Variants in TXNDC16 observed in about 807,000 individuals in gnomAD.
The protein encoded by TXNDC16 is thioredoxin domain containing 16, also known as thioredoxin domain-containing protein 16.
TXNDC16 carries 74 observed loss-of-function variants against 85.6 expected under a neutral mutation model. That is an observed-to-expected ratio of 0.86 (90% CI 0.72 to 1.05). The LOEUF (loss-of-function observed/expected upper bound fraction) is 1.05, where lower values mean the gene tolerates loss of function less well. Among genes scored for constraint, TXNDC16 ranks in the 50% least tolerant of loss-of-function variants. The pLI, the probability that TXNDC16 is intolerant of heterozygous loss-of-function variation, is 0.00. For missense variants in TXNDC16, 959 were observed against 947.0 expected (o/e 1.01, Z -0.17); for synonymous variants, 335 against 326.5 (o/e 1.03, Z -0.28).
chr14:52,496,868 C>G (rs2036545426), intron 9 of TXNDC16, among the ~76,000 whole-genome samples: 1 of 152,102 alleles, frequency 6.6e-6, no homozygotes, highest in East Asian at 1.9e-4. Context: ...AACTCAGCCT[C>G]CCAAAGTGCC....
intron 1 of TXNDC16, among the ~76,000 whole-genome samples, chr14:52,547,192 C>T (rs1299896203): frequency 6.6e-6 from 1 of 152,174 alleles, no homozygotes; most frequent in Non-Finnish European, 1.5e-5. Flanking sequence ...ACTGACAAAA[C>T]TGCTCAGCCA....
At chr14:52,552,141 A>G (rs1319811618) in intron 1 of TXNDC16, among the ~76,000 whole-genome samples, 175 bp downstream of exon 1, 1 of 152,186 alleles carries the variant, frequency 6.6e-6, no homozygotes, top group East Asian at 1.9e-4. Context: ...CGAAAAGAGA[A>G]AGCAAAATGC....
intron 20 of TXNDC16, among the ~76,000 whole-genome samples, chr14:52,437,612 C>T (rs1452984549): frequency 6.6e-6 from 1 of 151,870 alleles, no homozygotes; most frequent in Non-Finnish European, 1.5e-5. Flanking sequence ...AAACAATCAA[C>T]AATGTAAAAA....
At chr14:52,453,929 G>A (rs573995074) in intron 18 of TXNDC16, among the ~76,000 whole-genome samples, 1 of 152,184 alleles carries the variant, frequency 6.6e-6, no homozygotes, top group South Asian at 2.1e-4. Flanking sequence ...TGGTTAATGG[G>A]TACAAAAACT....
intron 9 of TXNDC16, among the ~76,000 whole-genome samples, chr14:52,503,006 G>A (rs1034897322): frequency 6.6e-6 from 1 of 152,204 alleles, no homozygotes; most frequent in Non-Finnish European, 1.5e-5. Context: ...AGATCAAACT[G>A]CAAGGTGGCA....
intron 9 of TXNDC16, among the ~76,000 whole-genome samples, chr14:52,501,829 C>A (rs2036665538): frequency 6.6e-6 from 1 of 151,948 alleles, no homozygotes; most frequent in Non-Finnish European, 1.5e-5. Flanking sequence ...TATTTAAGAA[C>A]AAAAAACAAC....
chr14:52,525,449 T>C (rs568776953), intron 6 of TXNDC16, among the ~76,000 whole-genome samples: 1 of 151,322 alleles, frequency 6.6e-6, no homozygotes, highest in South Asian at 2.1e-4. Context: ...CCCAACACTT[T>C]AGGAGGCCGA....
At chr14:52,507,040 CAT>C (rs1324237065) in intron 9 of TXNDC16, among the ~76,000 whole-genome samples, 2 of 152,006 alleles carry the variant, frequency 1.3e-5, no homozygotes, top group African/African-American at 4.8e-5. Context: ...TCTTATTCAA[CAT>C]AGTGTTGGAA....
chr14:52,525,401 A>G (rs1225537289), intron 6 of TXNDC16, among the ~76,000 whole-genome samples: 1 of 151,900 alleles, frequency 6.6e-6, no homozygotes, highest in Non-Finnish European at 1.5e-5. Context: ...AATCAATAAA[A>G]ATTAGTTGGG....
At position 52,530,420 on chromosome 14, in the gene TXNDC16, ATT is replaced by A. The variant is rs1491165601; in HGVS notation, c.392+6297_392+6298del. ...ATATAATATATAATTATTATATAATATTATATATAATAATATATAATATATTA... is the reference window on the plus strand; with the variant it reads ...ATATAATATATAATTATTATATAATAATATATAATAATATATAATATATTA... On this transcript the variant is annotated intron_variant, in intron 6 of 20. Coordinates refer to ENST00000281741, the MANE Select transcript of TXNDC16 (RefSeq NM_020784.3). Among the ~76,000 whole-genome samples, 12 of 15,002 alleles carry A rather than the reference ATT, an allele frequency of 8.0e-4. 5 individuals carry two copies. Among genetic ancestry groups the A allele is most frequent in the Admixed American group, 3.1e-3 (2 of 652 alleles). The allele number at this position is 15,002 out of a possible 152,430, so 9.8% of individuals were successfully genotyped here. A position where few individuals can be genotyped will look rare whatever the true frequency, so the allele number is the denominator to read the frequency against.
intron 20 of TXNDC16, among the ~76,000 whole-genome samples, chr14:52,433,944 C>T (rs911646532): frequency 1.3e-5 from 2 of 151,978 alleles, no homozygotes; most frequent in Admixed American, 6.6e-5. Flanking sequence ...TTTGGGAAGC[C>T]AAGATGGGAG....
intron 9 of TXNDC16, among the ~76,000 whole-genome samples, chr14:52,499,089 T>C (rs909119497): frequency 1.3e-5 from 2 of 152,090 alleles, no homozygotes; most frequent in East Asian, 1.9e-4. Flanking sequence ...GTCTCTTCAA[T>C]AGATGGTGCT....
Position 52,503,867 on chromosome 14 carries a change from G to C in TXNDC16, c.756+7373C>G, listed in dbSNP as rs148474312. On this transcript the variant is annotated intron_variant, in intron 9 of 20. Coordinates refer to ENST00000281741, the MANE Select transcript of TXNDC16 (RefSeq NM_020784.3). ...ATGGCTAACTAGAATAACCAATGCA[G>C]AGAAGTCCTTAAAGGACTTGATGGA... Among the ~76,000 whole-genome samples the C allele has an allele frequency of 3.0e-4, 46 of 152,310 alleles. No individual in the cohort carries two copies. In the East Asian group the frequency reaches 8.3e-3, roughly 27 times the overall value.
At chr14:52,463,241 A>T (rs2035693988) in intron 16 of TXNDC16, among the ~76,000 whole-genome samples, 2 of 152,188 alleles carry the variant, frequency 1.3e-5, no homozygotes, top group African/African-American at 4.8e-5. Flanking sequence ...AGCTCAGAAC[A>T]CAAAGCCGTG....
intron 9 of TXNDC16, 101 bp downstream of exon 9, chr14:52,511,139 T>C: frequency 1.8e-6 from 2 of 1,091,842 alleles, no homozygotes; most frequent in Non-Finnish European, 2.5e-6. Context: ...CATGCATCTA[T>C]AAATCAAAAC....
Position 52,430,878 on chromosome 14 carries a change from C to T in TXNDC16, c.*1426G>A, listed in dbSNP as rs1283264864. 2.6e-5 allele frequency: 4 copies of T among 152,058 alleles called. No homozygotes were observed. The highest frequency in any genetic ancestry group is 4.4e-5 in the Non-Finnish European group (3 of 68,018). The allele number at this position is 152,058 out of a possible 1,614,324, so 9.4% of individuals were successfully genotyped here. On this transcript the variant is annotated 3_prime_UTR_variant, in exon 21 of 21. Coordinates refer to ENST00000281741, the MANE Select transcript of TXNDC16 (RefSeq NM_020784.3). ...GAGGAGAGGGTGCTGAGAGTAGCAA[C>T]GGGTCTATGTTATAAGGAAATATAT...
chr14:52,492,387 C>T (rs147029606), intron 9 of TXNDC16, among the ~76,000 whole-genome samples: 83 of 152,266 alleles, frequency 5.5e-4, no homozygotes, highest in African/African-American at 1.8e-3. Context: ...GCTCTAGGCT[C>T]GGCCCTGCTC....
intron 18 of TXNDC16, among the ~76,000 whole-genome samples, chr14:52,441,604 C>CA (rs113305240): frequency 0.042 from 5,404 of 129,538 alleles, 268 homozygotes; most frequent in African/African-American, 0.13. Context: ...GTGAGACTCT[C>CA]AAAAAAAAAA....
chr14:52,488,634 GAGACC>G (rs1328224421), intron 11 of TXNDC16, 148 bp from the exon 12 acceptor site: 6 of 550,310 alleles, frequency 1.1e-5, no homozygotes, highest in Non-Finnish European at 1.5e-5. Flanking sequence ...TCAGTAGTTC[GAGACC>G]AGCCTGGCCA....
Sources: allele counts gnomAD v4.1 joint callset (sites outside exome capture counted in the v4.1 genomes callset), GRCh38; gene constraint gnomAD v4.1.1; transcripts MANE v1.5; gene names NCBI Gene and HGNC (gene_info 2026-07-23, HGNC 2026-07-21).